CNTN1: variants seen among roughly 807,000 people sequenced by gnomAD.
CNTN1 encodes the protein contactin 1, also known as contactin-1.
Under a neutral mutation model 126.4 loss-of-function variants are expected in CNTN1, and 38 were observed. The observed-to-expected ratio is 0.30, with a 90% CI of 0.23 to 0.39. The LOEUF (loss-of-function observed/expected upper bound fraction) is 0.39, where lower values mean the gene tolerates loss of function less well. Ranked by LOEUF, CNTN1 falls within the 10% of genes least tolerant of loss-of-function variation. The pLI, the probability that CNTN1 is intolerant of heterozygous loss-of-function variation, is 1.00. For synonymous variants in CNTN1, 413 were observed against 422.6 expected (o/e 0.98, Z 0.28); for missense variants, 1,009 against 1,248.4 (o/e 0.81, Z 2.89).
chr12:40,770,938 G>A (rs1355463898), intron 1 of CNTN1, among the ~76,000 whole-genome samples: 1 of 151,986 alleles, frequency 6.6e-6, no homozygotes, highest in African/African-American at 2.4e-5. Context: ...AAACTAATGA[G>A]GTGGAAACTC....
At chr12:40,950,448 G>A (rs969557369) in intron 14 of CNTN1, among the ~76,000 whole-genome samples, 9 of 152,104 alleles carry the variant, frequency 5.9e-5, no homozygotes, top group Non-Finnish European at 1.3e-4. Context: ...GGTTTTATGT[G>A]CTTCTTGAAT....
intron 1 of CNTN1, among the ~76,000 whole-genome samples, chr12:40,777,080 C>T (rs1205874841): frequency 3.3e-5 from 5 of 151,638 alleles, no homozygotes; most frequent in African/African-American, 1.2e-4. Context: ...ACTTTGGGTA[C>T]ATATATTCAA....
intron 14 of CNTN1, among the ~76,000 whole-genome samples, chr12:40,952,210 A>T: frequency 6.6e-6 from 1 of 152,100 alleles, no homozygotes. Flanking sequence ...TTACCTATGG[A>T]GCCTTCCACA....
At chr12:40,990,269 G>A (rs566511546) in intron 16 of CNTN1, among the ~76,000 whole-genome samples, 2 of 152,228 alleles carry the variant, frequency 1.3e-5, no homozygotes, top group Non-Finnish European at 2.9e-5. Flanking sequence ...TAATCCTGGT[G>A]GGAATACTAT....
At chr12:41,054,935 A>G (rs1290908785) in intron 23 of CNTN1, among the ~76,000 whole-genome samples, 1 of 152,170 alleles carries the variant, frequency 6.6e-6, no homozygotes, top group African/African-American at 2.4e-5. Flanking sequence ...TTTTAATTAG[A>G]CGAAATCCAA....
At chr12:41,018,933 G>C (rs1814224198) in intron 19 of CNTN1, among the ~76,000 whole-genome samples, 1 of 152,028 alleles carries the variant, frequency 6.6e-6, no homozygotes, top group African/African-American at 2.4e-5. Flanking sequence ...GAGGTGGGCG[G>C]ATCACCTGAA....
intron 23 of CNTN1, among the ~76,000 whole-genome samples, chr12:41,047,351 A>G (rs945634577): frequency 5.9e-5 from 9 of 152,064 alleles, no homozygotes; most frequent in Non-Finnish European, 1.2e-4. Flanking sequence ...TGTAACTTCC[A>G]TCTACTCACT....
chr12:41,043,160 T>G (rs1230441427), intron 23 of CNTN1, among the ~76,000 whole-genome samples: 1 of 152,072 alleles, frequency 6.6e-6, no homozygotes, highest in Admixed American at 6.6e-5. Context: ...GGGATCTAAT[T>G]AAACTAAAGA....
At chr12:40,779,924 C>G (rs1229772867) in intron 1 of CNTN1, among the ~76,000 whole-genome samples, 7 of 151,876 alleles carry the variant, frequency 4.6e-5, no homozygotes, top group Non-Finnish European at 1.0e-4. Context: ...TATGAGGACT[C>G]TTTTACATTG....
chr12:40,976,224 A>G (rs1167642268), intron 15 of CNTN1, among the ~76,000 whole-genome samples: 1 of 152,168 alleles, frequency 6.6e-6, no homozygotes, highest in Non-Finnish European at 1.5e-5. Context: ...CCCTAACTTC[A>G]GATCTTTAAT....
chr12:40,922,991 A>G (rs2197124), intron 5 of CNTN1, among the ~76,000 whole-genome samples: 88,475 of 139,014 alleles, frequency 0.64, 29,323 homozygotes, highest in African/African-American at 0.81. Context: ...AAAAAAAAAG[A>G]CATCAATGGA....
intron 1 of CNTN1, among the ~76,000 whole-genome samples, chr12:40,713,183 A>C (rs1348610436): frequency 6.6e-6 from 1 of 150,922 alleles, no homozygotes; most frequent in African/African-American, 2.4e-5. Context: ...AAGTTTTTAA[A>C]TGAACTGAGC....
intron 1 of CNTN1, chr12:40,828,017 C>T (rs1941674613): frequency 6.6e-6 from 1 of 151,986 alleles, no homozygotes; most frequent in Non-Finnish European, 1.5e-5. Flanking sequence ...TCGGGCCAGC[C>T]GAATTTGGAA....
In CNTN1 at chr12:40,698,941, T is replaced by A. The variant is rs1202015336; in HGVS notation, c.-77+6349T>A. Among the ~76,000 whole-genome samples, 3 of 152,182 alleles carry A rather than the reference T, an allele frequency of 2.0e-5. No homozygotes were observed. In the East Asian group the frequency reaches 5.8e-4, roughly 29 times the overall value. ...CTTTTCTCGCAACACCCTCCCATGT[T>A]CCCCATGTTCTATTCTCTACTATAA... On this transcript the variant is annotated intron_variant, in intron 1 of 23. Coordinates refer to ENST00000551295, the MANE Select transcript of CNTN1 (RefSeq NM_001843.4).
chr12:40,906,669 C>CTTTTTTTTTTTTTTT lies in CNTN1; in HGVS notation c.-76-1679_-76-1678insTTTTTTTTTTTTTTT, dbSNP rs111442544. ...TTTCCTTTTAAAATTGTTTTTCATG[C>CTTTTTTTTTTTTTTT]TTTTTTTTTGTTTTGTTTTTTTTGA... On this transcript the variant is annotated intron_variant, in intron 1 of 23. Coordinates refer to ENST00000551295, the MANE Select transcript of CNTN1 (RefSeq NM_001843.4). Among the ~76,000 whole-genome samples the CTTTTTTTTTTTTTTT allele has an allele frequency of 1.5e-4, 16 of 107,226 alleles. 1 individual carries two copies. Among genetic ancestry groups the CTTTTTTTTTTTTTTT allele is most frequent in the South Asian group, 2.8e-4 (1 of 3,554 alleles). 70.3% of individuals were successfully genotyped at this position (107,226 alleles called of 152,430 possible). A position where few individuals can be genotyped will look rare whatever the true frequency, so the allele number is the denominator to read the frequency against.
At chr12:40,847,089 A>T (rs994783215) in intron 1 of CNTN1, among the ~76,000 whole-genome samples, 1 of 151,984 alleles carries the variant, frequency 6.6e-6, no homozygotes, top group African/African-American at 2.4e-5. Context: ...GCTGGTCTCG[A>T]ACTCCTGACT....
chr12:40,810,274 A>G (rs1358507596), intron 1 of CNTN1, among the ~76,000 whole-genome samples: 1 of 152,196 alleles, frequency 6.6e-6, no homozygotes, highest in African/African-American at 2.4e-5. Context: ...TTAAAGGTGT[A>G]TATGAGTCAC....
chr12:40,713,981 G>A (rs1373425), intron 1 of CNTN1, among the ~76,000 whole-genome samples: 92,706 of 151,740 alleles, frequency 0.61, 29,122 homozygotes, highest in East Asian at 0.84. Flanking sequence ...TCCCTGGTGG[G>A]TAACTGGGAT....
At chr12:41,018,152 T>A (rs1948825089) in intron 19 of CNTN1, among the ~76,000 whole-genome samples, 1 of 152,088 alleles carries the variant, frequency 6.6e-6, no homozygotes, top group Admixed American at 6.6e-5. Context: ...GTGTAAATAA[T>A]TAATGACTAG....
Sources: allele counts gnomAD v4.1 joint callset (sites outside exome capture counted in the v4.1 genomes callset), GRCh38; gene constraint gnomAD v4.1.1; transcripts MANE v1.5; gene names NCBI Gene and HGNC (gene_info 2026-07-23, HGNC 2026-07-21).